Variants in MGMT observed in about 807,000 individuals in gnomAD.
MGMT encodes the protein methylated-DNA--protein-cysteine methyltransferase.
In MGMT, 14 loss-of-function variants were observed where a neutral mutation model predicts 15.9. The observed-to-expected ratio is 0.88, with a 90% CI of 0.58 to 1.37. The LOEUF is 1.37. MGMT is among the 40% of genes most tolerant of loss of function. MGMT has a pLI of 0.00. For missense variants in MGMT, 282 were observed against 268.1 expected, an observed-to-expected ratio of 1.05 and a Z score of -0.36; for synonymous variants, 130 against 118.2, an observed-to-expected ratio of 1.10 and a Z score of -0.65.
chr10:129,663,597 G>GA (rs1373457285), intron 2 of MGMT, among the ~76,000 whole-genome samples: 1 of 151,794 alleles, frequency 6.6e-6, no homozygotes, highest in East Asian at 1.9e-4. Flanking sequence ...TTTATTCAAG[G>GA]AAAAAAATGG....
chr10:129,623,331 G>C lies in MGMT; in HGVS notation c.126-84564G>C, dbSNP rs538858770. ...GCAGTTCAGCGGGGATACCAAGTTGGGGAAGATGCCAAGTGGTAGGAAGGA... is the reference window on the plus strand; with the variant it reads ...GCAGTTCAGCGGGGATACCAAGTTGCGGAAGATGCCAAGTGGTAGGAAGGA... On this transcript the variant is annotated intron_variant, in intron 2 of 4. Transcript: ENST00000651593. Among the ~76,000 whole-genome samples, 168 of 152,188 alleles carry C rather than the reference G, an allele frequency of 1.1e-3. 5 individuals are homozygous for C. In the South Asian group the frequency reaches 0.033, roughly 30 times the overall value.
intron 2 of MGMT, among the ~76,000 whole-genome samples, chr10:129,610,632 C>G (rs1342594843): frequency 6.6e-6 from 1 of 152,236 alleles, no homozygotes; most frequent in Non-Finnish European, 1.5e-5. Flanking sequence ...ACCTGTTTTG[C>G]AAATACAATT....
rs1330526707 is a variant in MGMT, at chr10:129,708,711, C to T, written c.274+668C>T. ...AGACACATGCCAGAAATTTATTTTG[C>T]ATAGTGAGTTTTTCATAATCATTTT... is the stretch of plus-strand genomic sequence containing the variant. On this transcript the variant is annotated intron_variant, in intron 3 of 4. Transcript: ENST00000651593. Among the ~76,000 whole-genome samples the T allele has an allele frequency of 2.0e-5, 3 of 152,124 alleles. No homozygotes were observed. In the East Asian group the frequency reaches 5.8e-4, roughly 29 times the overall value.
chr10:129,531,074 A>G (rs1845925942), intron 1 of MGMT, among the ~76,000 whole-genome samples: 2 of 151,914 alleles, frequency 1.3e-5, no homozygotes, highest in South Asian at 2.1e-4. Context: ...GTGAATCTTC[A>G]TCTTCCGTGG....
intron 3 of MGMT, among the ~76,000 whole-genome samples, chr10:129,732,708 T>C (rs1848515480): frequency 2.8e-5 from 3 of 105,526 alleles, no homozygotes; most frequent in African/African-American, 6.9e-5. Flanking sequence ...CCCTCCCCCG[T>C]CCCCCCACCC....
intron 2 of MGMT, among the ~76,000 whole-genome samples, chr10:129,682,272 A>G (rs1033763068): frequency 3.9e-5 from 6 of 152,154 alleles, no homozygotes; most frequent in Non-Finnish European, 1.5e-5. Context: ...AAGAAAAAGC[A>G]AACTGTGGTC....
At chr10:129,616,666 T>C (rs1847031222) in intron 2 of MGMT, among the ~76,000 whole-genome samples, 2 of 152,224 alleles carry the variant, frequency 1.3e-5, no homozygotes, top group African/African-American at 2.4e-5. Context: ...AGAATCCTGT[T>C]TGAGACATCT....
At chr10:129,648,817 A>T (rs1847424989) in intron 2 of MGMT, among the ~76,000 whole-genome samples, 1 of 152,214 alleles carries the variant, frequency 6.6e-6, no homozygotes, top group Non-Finnish European at 1.5e-5. Flanking sequence ...TTAAGGTAGC[A>T]CTTAGAGATT....
intron 1 of MGMT, among the ~76,000 whole-genome samples, chr10:129,508,546 G>GT (rs1256288164): frequency 2.2e-5 from 3 of 136,106 alleles, no homozygotes; most frequent in South Asian, 2.3e-4. Context: ...TTTTTTGTTT[G>GT]TTTTTTTATT....
chr10:129,753,481 C>T (rs193257819), intron 3 of MGMT, among the ~76,000 whole-genome samples: 259 of 152,124 alleles, frequency 1.7e-3, no homozygotes, highest in South Asian at 0.011. Flanking sequence ...CCTTGTCTCA[C>T]GTGTTCTCTT....
At chr10:129,631,489 A>G (rs1209011542) in intron 2 of MGMT, among the ~76,000 whole-genome samples, 2 of 152,244 alleles carry the variant, frequency 1.3e-5, no homozygotes, top group Non-Finnish European at 2.9e-5. Flanking sequence ...TTGAGATTAT[A>G]AAAGGTATAC....
intron 2 of MGMT, among the ~76,000 whole-genome samples, chr10:129,657,189 C>G (rs759060843): frequency 1.3e-5 from 2 of 152,126 alleles, no homozygotes; most frequent in Non-Finnish European, 2.9e-5. Context: ...TTGACACAGA[C>G]GACTGTCCCT....
intron 3 of MGMT, among the ~76,000 whole-genome samples, chr10:129,742,068 T>C (rs1848640641): frequency 6.6e-6 from 1 of 152,198 alleles, no homozygotes; most frequent in Non-Finnish European, 1.5e-5. Context: ...CCCAAAATGC[T>C]AGAGCAGGAC....
At chr10:129,528,851 CAAG>C (rs1402970944) in intron 1 of MGMT, among the ~76,000 whole-genome samples, 1 of 152,142 alleles carries the variant, frequency 6.6e-6, no homozygotes, top group Non-Finnish European at 1.5e-5. Context: ...TATATGAAAA[CAAG>C]AACTCTCTGC....
chr10:129,625,335 A>G (rs1268779393), intron 2 of MGMT, among the ~76,000 whole-genome samples: 2 of 152,236 alleles, frequency 1.3e-5, no homozygotes, highest in African/African-American at 4.8e-5. Context: ...GGAATAGCAG[A>G]AGAGAGAATA....
At chr10:129,686,276 G>C (rs914945531) in intron 2 of MGMT, among the ~76,000 whole-genome samples, 1 of 151,996 alleles carries the variant, frequency 6.6e-6, no homozygotes, top group Non-Finnish European at 1.5e-5. Flanking sequence ...AAAAAAAAGA[G>C]ATCCCTAAAT....
At position 129,716,718 on chromosome 10, in the gene MGMT, G is replaced by A. The variant is rs753510405; in HGVS notation, c.274+8675G>A. Reference sequence around the variant, plus strand: ...ATTGGGCCTTTGATGTTCAAGAGCAGCTGATATTAAAGGCTATCCCTAGAA... The same window carrying A: ...ATTGGGCCTTTGATGTTCAAGAGCAACTGATATTAAAGGCTATCCCTAGAA... On this transcript the variant is annotated intron_variant, in intron 3 of 4. Coordinates refer to ENST00000651593, the MANE Select transcript of MGMT (RefSeq NM_002412.5). Among the ~76,000 whole-genome samples the A allele has an allele frequency of 1.6e-4, 24 of 152,300 alleles. No individual in the cohort carries two copies. The Middle Eastern group carries it at 0.01, about 65-fold the overall frequency.
chr10:129,762,374 G>T (rs1848884059), intron 4 of MGMT, among the ~76,000 whole-genome samples: 1 of 152,200 alleles, frequency 6.6e-6, no homozygotes, highest in Non-Finnish European at 1.5e-5. Flanking sequence ...TGCATTTGCT[G>T]TCGGCATGAG....
intron 2 of MGMT, among the ~76,000 whole-genome samples, chr10:129,626,408 TC>T (rs1847149728): frequency 8.7e-6 from 1 of 115,376 alleles, no homozygotes. Flanking sequence ...TTTTGAGACT[TC>T]CTTGAGCTTC....
Sources: gnomAD v4.1 joint callset for allele counts (sites outside exome capture counted in the v4.1 genomes callset) on GRCh38, gnomAD v4.1.1 for gene constraint, MANE v1.5 for transcripts, NCBI Gene and HGNC (gene_info 2026-07-23, HGNC 2026-07-21) for gene names.